CDH13: variants seen among roughly 807,000 people sequenced by gnomAD.
The protein encoded by CDH13 is cadherin 13, also known as cadherin-13.
Under a neutral mutation model 63.8 loss-of-function variants are expected in CDH13, and 24 were observed. That is an observed-to-expected ratio of 0.38 (90% CI 0.27 to 0.53). The LOEUF (loss-of-function observed/expected upper bound fraction) is 0.53. CDH13 is among the 20% of genes least tolerant of loss of function. The pLI is 0.85. For synonymous variants in CDH13, 503 were observed against 355.3 expected (o/e 1.42, Z -4.67); for missense variants, 1,049 against 903.1 (o/e 1.16, Z -2.07).
chr16:83,430,570 A>G (rs1598002437), intron 6 of CDH13, among the ~76,000 whole-genome samples: 1 of 152,254 alleles, frequency 6.6e-6, no homozygotes, highest in East Asian at 1.9e-4. Context: ...CTGCTTTTCT[A>G]TGTCTTATCC....
intron 5 of CDH13, among the ~76,000 whole-genome samples, chr16:83,324,781 A>C (rs1218943385): frequency 6.6e-6 from 1 of 152,234 alleles, no homozygotes; most frequent in Non-Finnish European, 1.5e-5. Flanking sequence ...GAACTGCTGC[A>C]TCATATCATA....
chr16:83,228,752 C>T (rs766694273), intron 5 of CDH13, among the ~76,000 whole-genome samples: 1 of 152,142 alleles, frequency 6.6e-6, no homozygotes, highest in Non-Finnish European at 1.5e-5. Context: ...AGGTGGGACT[C>T]GCATGCTAAG....
chr16:83,244,591 C>T (rs183832474), intron 5 of CDH13, among the ~76,000 whole-genome samples: 2 of 152,048 alleles, frequency 1.3e-5, no homozygotes, highest in African/African-American at 4.8e-5. Flanking sequence ...TCATTGGTCC[C>T]CAACACCACC....
At chr16:82,758,426 ACC>A (rs5818402) in intron 1 of CDH13, among the ~76,000 whole-genome samples, 15,813 of 149,428 alleles carry the variant, frequency 0.11, 1,021 homozygotes, top group Middle Eastern at 0.19. Context: ...GACTGTTGAT[ACC>A]CCCCCCCCTT....
At chr16:83,547,789 G>A (rs1336769930) in intron 7 of CDH13, among the ~76,000 whole-genome samples, 1 of 152,182 alleles carries the variant, frequency 6.6e-6, no homozygotes, top group African/African-American at 2.4e-5. Flanking sequence ...GTGGTAGAAT[G>A]AAGTCACTGT....
chr16:82,717,157 C>T (rs528869485), intron 1 of CDH13, among the ~76,000 whole-genome samples: 1 of 152,212 alleles, frequency 6.6e-6, no homozygotes, highest in Admixed American at 6.5e-5. Context: ...GAATTGAGCA[C>T]AGGCTGGTCC....
intron 6 of CDH13, among the ~76,000 whole-genome samples, chr16:83,358,294 C>T (rs1194502723): frequency 6.6e-6 from 1 of 152,154 alleles, no homozygotes. Flanking sequence ...ACCCTGTATT[C>T]TCCTCCTACC....
At chr16:83,370,578 T>C (rs761171315) in intron 6 of CDH13, among the ~76,000 whole-genome samples, 3 of 152,162 alleles carry the variant, frequency 2.0e-5, no homozygotes, top group Non-Finnish European at 4.4e-5. Flanking sequence ...GTAATAAGCA[T>C]GGTACCCTAT....
intron 3 of CDH13, among the ~76,000 whole-genome samples, chr16:83,077,981 T>C (rs1317787240): frequency 6.6e-6 from 1 of 152,224 alleles, no homozygotes; most frequent in African/African-American, 2.4e-5. Flanking sequence ...CATTCTGTTC[T>C]GTTCTGTTCC....
At chr16:83,278,677 A>G (rs2089068246) in intron 5 of CDH13, among the ~76,000 whole-genome samples, 1 of 152,198 alleles carries the variant, frequency 6.6e-6, no homozygotes, top group Non-Finnish European at 1.5e-5. Flanking sequence ...AGGTGGCATT[A>G]TTCCAGGGTA....
At chr16:83,545,467 A>G (rs1174045172) in intron 7 of CDH13, among the ~76,000 whole-genome samples, 1 of 152,232 alleles carries the variant, frequency 6.6e-6, no homozygotes, top group Non-Finnish European at 1.5e-5. Context: ...TCTCATGCTT[A>G]AAGAAGTCTC....
chr16:83,560,750 A>G (rs1233718457), intron 7 of CDH13, among the ~76,000 whole-genome samples: 1 of 152,200 alleles, frequency 6.6e-6, no homozygotes, highest in Non-Finnish European at 1.5e-5. Flanking sequence ...CTAGTTACTA[A>G]GTCTCTCCAA....
chr16:82,798,825 G>C (rs1338943569), intron 1 of CDH13, among the ~76,000 whole-genome samples: 1 of 152,118 alleles, frequency 6.6e-6, no homozygotes, highest in Non-Finnish European at 1.5e-5. Flanking sequence ...AATATTTGCA[G>C]GTTCTGGGTT....
chr16:82,823,467 G>T (rs1025095993), intron 1 of CDH13: 2 of 152,048 alleles, frequency 1.3e-5, no homozygotes, highest in Non-Finnish European at 2.9e-5. Flanking sequence ...GAAATAAAAA[G>T]CCTATTCTAA....
chr16:83,381,883 A>G (rs887499245), intron 6 of CDH13, among the ~76,000 whole-genome samples: 1 of 152,186 alleles, frequency 6.6e-6, no homozygotes, highest in Non-Finnish European at 1.5e-5. Flanking sequence ...GTATAAAATC[A>G]TATGGATGAC....
intron 1 of CDH13, among the ~76,000 whole-genome samples, chr16:82,839,056 A>G (rs910967070): frequency 6.6e-5 from 10 of 152,232 alleles, no homozygotes; most frequent in African/African-American, 2.4e-4. Flanking sequence ...ATAAAACTTT[A>G]TTTACAAAAA....
chr16:82,724,285 A>G (rs574671127), intron 1 of CDH13, among the ~76,000 whole-genome samples: 90 of 152,064 alleles, frequency 5.9e-4, no homozygotes, highest in African/African-American at 2.0e-3. Flanking sequence ...CCATCCATCT[A>G]TCCATCCATC....
intron 9 of CDH13, among the ~76,000 whole-genome samples, chr16:83,674,230 T>C (rs1455765977): frequency 6.6e-6 from 1 of 152,174 alleles, no homozygotes; most frequent in East Asian, 1.9e-4. Context: ...GGTAGGCCAG[T>C]CCAGGATTGG....
chr16:82,671,909 A>G (rs1382432854), intron 1 of CDH13, among the ~76,000 whole-genome samples: 2 of 152,206 alleles, frequency 1.3e-5, no homozygotes, highest in Non-Finnish European at 2.9e-5. Flanking sequence ...GCTGGCCAGC[A>G]TCATTTCTCT....
Sources: gnomAD v4.1 joint callset for allele counts (sites outside exome capture counted in the v4.1 genomes callset) on GRCh38, gnomAD v4.1.1 for gene constraint, MANE v1.5 for transcripts, NCBI Gene and HGNC (gene_info 2026-07-23, HGNC 2026-07-21) for gene names.